CREB1: variants seen among roughly 807,000 people sequenced by gnomAD.
The protein encoded by CREB1 is cyclic AMP-responsive element-binding protein 1.
A neutral mutation model predicts 42.0 loss-of-function variants in CREB1; 2 were observed. The ratio of observed to expected loss-of-function variants is 0.05; its 90% confidence interval spans 0.02 to 0.15. The LOEUF (loss-of-function observed/expected upper bound fraction) is 0.15, where lower values mean the gene tolerates loss of function less well. Ranked by LOEUF, CREB1 falls within the 10% of genes least tolerant of loss-of-function variation. The pLI is 1.00. For missense variants in CREB1, 199 were observed against 388.9 expected (o/e 0.51, Z 4.11); for synonymous variants, 123 against 139.9 (o/e 0.88, Z 0.85).
At chr2:207,596,713 G>A (rs1448463822) in intron 7 of CREB1, among the ~76,000 whole-genome samples, 2 of 152,170 alleles carry the variant, frequency 1.3e-5, no homozygotes, top group East Asian at 1.9e-4. Flanking sequence ...GATTACAGGC[G>A]TGAGCCGCCA....
chr2:207,582,511 A>C (rs1330882285), intron 7 of CREB1, among the ~76,000 whole-genome samples: 1 of 152,184 alleles, frequency 6.6e-6, no homozygotes, highest in African/African-American at 2.4e-5. Context: ...ATATTGTTCT[A>C]GCTTTGGCTA....
At chr2:207,552,543 A>G (rs2081551010) in intron 1 of CREB1, among the ~76,000 whole-genome samples, 1 of 151,650 alleles carries the variant, frequency 6.6e-6, no homozygotes, top group African/African-American at 2.4e-5. Context: ...ATTTGTATTT[A>G]TCTTTATTCT....
chr2:207,541,701 C>A (rs2081105753), intron 1 of CREB1, among the ~76,000 whole-genome samples: 1 of 152,122 alleles, frequency 6.6e-6, no homozygotes, highest in Non-Finnish European at 1.5e-5. Flanking sequence ...AAATATAATT[C>A]ACATACTCTA....
intron 7 of CREB1, among the ~76,000 whole-genome samples, chr2:207,581,151 C>T (rs185343962): frequency 2.8e-4 from 42 of 152,246 alleles, no homozygotes; most frequent in African/African-American, 8.2e-4. Context: ...CCATATAAAA[C>T]TATAAACCCC....
At chr2:207,570,127 G>A in intron 4 of CREB1, 52 bp from the exon 5 acceptor site, 3 of 1,343,290 alleles carry the variant, frequency 2.2e-6, no homozygotes, top group Non-Finnish European at 3.1e-6. Context: ...TTTGTATTTA[G>A]CCAGTAAATT....
At chr2:207,550,327 G>A (rs1037825387) in intron 1 of CREB1, 2 of 146,800 alleles carry the variant, frequency 1.4e-5, no homozygotes, top group African/African-American at 5.1e-5. Flanking sequence ...TCTAGTTGAG[G>A]TCATTCTTTT....
rs2086582804 is a variant in CREB1 at position 207,598,741 on chromosome 2, G to A, written c.*1683G>A. 1.2e-5 allele frequency: 2 copies of A among 165,002 alleles called. No individual in the cohort carries two copies. Among genetic ancestry groups the A allele is most frequent in the Non-Finnish European group, 1.3e-5 (1 of 75,778 alleles). The allele number at this position is 165,002 out of a possible 1,614,324, so 10.2% of individuals were successfully genotyped here. A position where few individuals can be genotyped will look rare whatever the true frequency, so the allele number is the denominator to read the frequency against. ...TGGCGCCTGTAATCCCAGCTACTCA[G>A]GAGGTTGAGGCAGCAGAATTGCTTG... On this transcript the variant is annotated 3_prime_UTR_variant, in exon 8 of 8. Transcript: ENST00000353267.
Position 207,603,472 on chromosome 2 carries a change from T to G in CREB1, c.*6414T>G, listed in dbSNP as rs968921146. ...TGGGGATGGGATCTCTATATTTTGT[T>G]GGGTTTTTTTTGCTAGTAGTGTGAA... is the stretch of plus-strand genomic sequence containing the variant. On this transcript the variant is annotated 3_prime_UTR_variant, in exon 8 of 8. Transcript: ENST00000353267. 1.3e-5 allele frequency: 3 copies of G among 225,474 alleles called. No individual in the cohort carries two copies. The highest frequency in any genetic ancestry group is 2.6e-5 in the Non-Finnish European group (3 of 113,276). 14.0% of individuals were successfully genotyped at this position (225,474 alleles called of 1,614,324 possible).
At position 207,551,484 on chromosome 2, in the gene CREB1, T is replaced by C. The variant is rs780590352; in HGVS notation, c.-8-4144T>C. On this transcript the variant is annotated intron_variant, in intron 1 of 7. Transcript: ENST00000353267. ...AGACAATCTCCACTAAGAGCCTTCA[T>C]TGGGTAATAGTATGACTTGTAGTTT... is the stretch of plus-strand genomic sequence containing the variant. Among the ~76,000 whole-genome samples, 9 of 152,130 alleles carry C rather than the reference T, an allele frequency of 5.9e-5. No individual in the cohort carries two copies. The East Asian group carries it at 1.3e-3, about 23-fold the overall frequency.
intron 4 of CREB1, among the ~76,000 whole-genome samples, chr2:207,569,192 C>G (rs2082256951): frequency 6.6e-6 from 1 of 151,778 alleles, no homozygotes; most frequent in Non-Finnish European, 1.5e-5. Context: ...TATTTTAGAC[C>G]TTGGATATAT....
At chr2:207,590,464 G>A (rs1056829256) in intron 7 of CREB1, among the ~76,000 whole-genome samples, 4 of 151,546 alleles carry the variant, frequency 2.6e-5, no homozygotes, top group African/African-American at 9.7e-5. Flanking sequence ...TTTGTACTCT[G>A]ATCTTTGTTA....
chr2:207,547,523 A>G (rs1325029302), intron 1 of CREB1, among the ~76,000 whole-genome samples: 1 of 152,208 alleles, frequency 6.6e-6, no homozygotes, highest in Admixed American at 6.5e-5. Context: ...CCAAATAGCC[A>G]TTTAGTAACA....
Position 207,566,507 on chromosome 2 carries a change from G to A in CREB1, c.262-956G>A, listed in dbSNP as rs550191322. Among the ~76,000 whole-genome samples the A allele has an allele frequency of 1.2e-4, 18 of 152,302 alleles. No homozygotes were observed. In the South Asian group the frequency reaches 3.7e-3, roughly 32 times the overall value. ...TGAACTCTTCTAGTCTAGAAAAGGT[G>A]TGAAAATGCCACTGGTTGCTGCTTC... On this transcript the variant is annotated intron_variant, in intron 3 of 7. Coordinates refer to ENST00000353267, the MANE Select transcript of CREB1 (RefSeq NM_004379.5).
intron 7 of CREB1, 179 bp downstream of exon 7, chr2:207,577,834 G>A (rs2082654926): frequency 1.5e-6 from 1 of 664,136 alleles, no homozygotes; most frequent in African/African-American, 1.8e-5. Flanking sequence ...TAAGATAGCT[G>A]TATGATTATG....
chr2:207,605,643 CTTT>C lies in CREB1; in HGVS notation c.*8590_*8592del, dbSNP rs1237781125. 1.1e-4 allele frequency among the ~76,000 whole-genome samples: 17 copies of C among 152,218 alleles called. No homozygotes were observed. Among genetic ancestry groups the C allele is most frequent in the African/African-American group, 3.9e-4 (16 of 41,544 alleles). The stretch of plus-strand genomic sequence containing the variant: ...GTATGTTCTCTCCTCCTCCCTCTCC[CTTT>C]TTTTACACAAAAGGTAGGTACAAAC... On this transcript the variant is annotated 3_prime_UTR_variant, in exon 8 of 8. Transcript: ENST00000353267.
chr2:207,596,625 G>A (rs1175666521), intron 7 of CREB1, among the ~76,000 whole-genome samples: 1 of 152,198 alleles, frequency 6.6e-6, no homozygotes, highest in African/African-American at 2.4e-5. Flanking sequence ...GTAGAGAGGG[G>A]TTTCATCATG....
At chr2:207,588,726 TG>T (rs1327740112) in intron 7 of CREB1, among the ~76,000 whole-genome samples, 8 of 51,460 alleles carry the variant, frequency 1.6e-4, no homozygotes, top group Admixed American at 3.1e-4. Flanking sequence ...AACTGTTTTC[TG>T]GTTTTTTTTT....
chr2:207,598,182 A>G lies in CREB1; in HGVS notation c.*1124A>G, dbSNP rs2086480507. 5.5e-6 allele frequency: 1 copy of G among 181,484 alleles called. No individual in the cohort carries two copies. The highest frequency in any genetic ancestry group is 2.0e-4 in the South Asian group (1 of 5,078). The allele number at this position is 181,484 out of a possible 1,614,324, so 11.2% of individuals were successfully genotyped here. On this transcript the variant is annotated 3_prime_UTR_variant, in exon 8 of 8. Transcript: ENST00000353267. ...GAATTTTTTAAATGAAAGAAGTTGT[A>G]AGGATATAAAAAGTACAGTGTTAGA... is the stretch of plus-strand genomic sequence containing the variant.
intron 1 of CREB1, among the ~76,000 whole-genome samples, chr2:207,549,029 ACCTT>A (rs1485825338): frequency 6.6e-6 from 1 of 152,206 alleles, no homozygotes; most frequent in Admixed American, 6.5e-5. Context: ...AAGCAGAAAG[ACCTT>A]GGTAGGAGCA....
Sources: gnomAD v4.1 joint callset for allele counts (sites outside exome capture counted in the v4.1 genomes callset) on GRCh38, gnomAD v4.1.1 for gene constraint, MANE v1.5 for transcripts, NCBI Gene and HGNC (gene_info 2026-07-23, HGNC 2026-07-21) for gene names.